NOD2: variants seen among roughly 807,000 people sequenced by gnomAD.
NOD2 encodes nucleotide-binding oligomerization domain-containing protein 2.
In NOD2, 86 loss-of-function variants were observed where a neutral mutation model predicts 90.9. The ratio of observed to expected loss-of-function variants is 0.95; its 90% CI spans 0.79 to 1.13. The LOEUF (loss-of-function observed/expected upper bound fraction) is 1.13. Among genes scored for constraint, NOD2 ranks in the 50% most tolerant of loss-of-function variants. NOD2 has a pLI of 0.00. For missense variants in NOD2, 1,238 were observed against 1,283.8 expected, an observed-to-expected ratio of 0.96 and a Z score of 0.55; for synonymous variants, 581 against 554.6, an observed-to-expected ratio of 1.05 and a Z score of -0.67.
rs1965465866 is a variant in NOD2 at position 50,731,798 on chromosome 16, G to C, written c.3021G>C (p.Arg1007Ser). The change falls in exon 12 of 12, where the codon AGG becomes AGC. Residue 1007 changes from arginine (R) to serine (S), a missense_variant. Physicochemically the swap from Arg to Ser is moderately radical, Grantham distance 110. Around this residue, in one of 3 missense-constraint regions of NOD2, gnomAD observed 667 missense variants for 688.7 expected, o/e 0.97. Coordinates refer to ENST00000647318, the MANE Select transcript of NOD2 (RefSeq NM_001370466.1). ...AGGAGGTTGACAAGCTCGGCTGCAG[G>C]GACACCAGACTCTTGCTTTGAAGTC... ...SLEEVDKLGC[R>S]DTRLLL 1 of 1,613,644 alleles carries C rather than the reference G, an allele frequency of 6.2e-7. No individual in the cohort carries two copies. Among genetic ancestry groups the C allele is most frequent in the Non-Finnish European group, 8.5e-7 (1 of 1,179,728 alleles).
chr16:50,731,672 A>G (rs927645445), intron 11 of NOD2, 75 bp from the exon 12 acceptor site: 1 of 1,025,898 alleles, frequency 9.7e-7, no homozygotes, highest in African/African-American at 1.6e-5. Context: ...GGGTTTAAAA[A>G]GTGGAGGCTT....
At chr16:50,716,483 A>G (rs1435724599) in intron 4 of NOD2, 104 bp from the exon 5 acceptor site, 1 of 1,126,424 alleles carries the variant, frequency 8.9e-7, no homozygotes, top group Non-Finnish European at 1.3e-6. Flanking sequence ...GGAAGCACAG[A>G]TGCTGGCACT....
chr16:50,716,848 A>G lies in NOD2; in HGVS notation c.2466-43A>G, dbSNP rs757064724. 4.8e-5 allele frequency: 76 copies of G among 1,591,008 alleles called. No individual in the cohort carries two copies. The South Asian group carries it at 7.5e-4, about 16-fold the overall frequency. On this transcript the variant is annotated intron_variant, in intron 5 of 11. Transcript: ENST00000647318. The stretch of plus-strand genomic sequence containing the variant: ...CCTGGGATTTGGTGCTCACTGTCCA[A>G]TGTGCTTTGCTTCTGTGTCTCCTCT...
At position 50,699,808 on chromosome 16, in the gene NOD2, C is replaced by T. The variant is rs757487598; in HGVS notation, c.313C>T (p.Arg105Ter). 13 of 1,613,592 alleles carry T rather than the reference C, an allele frequency of 8.1e-6. No individual in the cohort carries two copies. Among genetic ancestry groups the T allele is most frequent in the Middle Eastern group, 1.6e-4 (1 of 6,082 alleles). Residue 105 changes from arginine to a stop codon, truncating the protein, a stop_gained, in exon 2 of 12, where the codon CGA becomes TGA. Coordinates refer to ENST00000647318, the MANE Select transcript of NOD2 (RefSeq NM_001370466.1). LOFTEE classifies it high-confidence loss of function. ...GGACCCCCACTCGCTCCACCCAGCC[C>T]GAGACCTGCAGAGTCACCGGCCAGC... ...CWDPHSLHPARDLQSHRPAIV... is the reference protein window; with the variant it reads ...CWDPHSLHPA
chr16:50,706,996 C>T (rs1457128670), intron 2 of NOD2, among the ~76,000 whole-genome samples: 1 of 152,146 alleles, frequency 6.6e-6, no homozygotes, highest in Non-Finnish European at 1.5e-5. Flanking sequence ...CCATGCTCAG[C>T]CATATCTTGC....
Position 50,703,563 on chromosome 16 carries a change from C to G in NOD2, c.459+3609C>G, listed in dbSNP as rs144204109. On this transcript the variant is annotated intron_variant, in intron 2 of 11. Coordinates refer to ENST00000647318, the MANE Select transcript of NOD2 (RefSeq NM_001370466.1). Reference sequence around the variant, plus strand: ...CTGAGGCAGGAGAATCGCTTGAACCCGGGAGGCAGATGTTGCAGTGAGCCG... The same window carrying G: ...CTGAGGCAGGAGAATCGCTTGAACCGGGGAGGCAGATGTTGCAGTGAGCCG... Among the ~76,000 whole-genome samples, 4 of 151,656 alleles carry G rather than the reference C, an allele frequency of 2.6e-5. No individual in the cohort carries two copies. The South Asian group carries it at 8.3e-4, about 32-fold the overall frequency.
chr16:50,697,168 G>A, intron 1 of NOD2: 1 of 1,227,434 alleles, frequency 8.1e-7, no homozygotes, highest in Non-Finnish European at 1.2e-6. Flanking sequence ...CCAGTCCTGT[G>A]CCACTGGGCT....
intron 3 of NOD2, chr16:50,709,999 C>A (rs1489567974): frequency 8.8e-6 from 4 of 455,820 alleles, no homozygotes; most frequent in East Asian, 6.9e-5. Context: ...TATGGTGGAC[C>A]CAGGTTTTCA....
chr16:50,694,121 A>G (rs368346234), intron 1 of NOD2, among the ~76,000 whole-genome samples: 4 of 152,146 alleles, frequency 2.6e-5, no homozygotes, highest in East Asian at 1.9e-4. Context: ...TTGCTCTCCT[A>G]TGCTTCTCAG....
chr16:50,708,435 C>T (rs1860106890), intron 3 of NOD2, among the ~76,000 whole-genome samples: 1 of 152,196 alleles, frequency 6.6e-6, no homozygotes, highest in Non-Finnish European at 1.5e-5. Context: ...GCTTGGACCG[C>T]ACCACTTGAA....
At position 50,707,792 on chromosome 16, in the gene NOD2, A is replaced by G. The variant is rs138700796; in HGVS notation, c.460-63A>G. 5.8e-5 allele frequency: 66 copies of G among 1,144,660 alleles called. No homozygotes were observed. The African/African-American group carries it at 8.0e-4, about 14-fold the overall frequency. The allele number at this position is 1,144,660 out of a possible 1,614,324, so 70.9% of individuals were successfully genotyped here. On this transcript the variant is annotated intron_variant, in intron 2 of 11. Coordinates refer to ENST00000647318, the MANE Select transcript of NOD2 (RefSeq NM_001370466.1). ...TGCTTATGAAGTTGCAGTAATCAGT[A>G]AGCCTTCCCACATTGCTCCATCAGC...
chr16:50,697,419 C>A, intron 1 of NOD2: 1 of 1,115,590 alleles, frequency 9.0e-7, no homozygotes, highest in Non-Finnish European at 1.3e-6. Context: ...GGAGTGCTGA[C>A]TCTGTTTCTG....
chr16:50,716,508 A>G (rs1268955188), intron 4 of NOD2, 79 bp from the exon 5 acceptor site: 1 of 1,336,102 alleles, frequency 7.5e-7, no homozygotes, highest in Admixed American at 1.9e-5. Flanking sequence ...GGATGAATGA[A>G]AGTCTTTTTG....
chr16:50,719,991 C>T lies in NOD2; in HGVS notation c.2616C>T (p.Thr872=). 1 of 1,614,176 alleles carries T rather than the reference C, an allele frequency of 6.2e-7. No homozygotes were observed. Among genetic ancestry groups the T allele is most frequent in the Admixed American group, 1.7e-5 (1 of 60,030 alleles). Residue 872 remains threonine, a synonymous_variant, in exon 7 of 12, where the codon ACC becomes ACT. Transcript: ENST00000647318. ...TGGCCGAGGGGCTCCGAGGCAACACCTCCTTGCAGTTCCTGGGGTAGGTTG... is the reference window on the plus strand; with the variant it reads ...TGGCCGAGGGGCTCCGAGGCAACACTTCCTTGCAGTTCCTGGGGTAGGTTG... The part of the protein sequence containing the change: ...QVLAEGLRGN[T]SLQFLGFWGN...
At position 50,711,467 on chromosome 16, in the gene NOD2, A is replaced by C. The variant is rs368316739; in HGVS notation, c.1475A>C (p.Gln492Pro). ...TTTDMYLLIL[Q>P]HFLLHATPPD... The stretch of plus-strand genomic sequence containing the variant: ...ACAGATATGTACCTGCTGATTCTGC[A>C]GCATTTTCTGCTGCATGCCACCCCC... The change falls in exon 4 of 12, where the codon CAG becomes CCG. Residue 492 changes from glutamine (Q) to proline (P), a missense_variant. Around this residue, in one of 3 missense-constraint regions of NOD2, gnomAD observed 667 missense variants for 688.7 expected, o/e 0.97. Transcript: ENST00000647318. 6.8e-6 allele frequency: 11 copies of C among 1,613,420 alleles called. No individual in the cohort carries two copies. Among genetic ancestry groups the C allele is most frequent in the Admixed American group, 3.3e-5 (2 of 60,014 alleles).
At position 50,711,823 on chromosome 16, in the gene NOD2, T is replaced by C; in HGVS notation, c.1831T>C (p.Ser611Pro). Residue 611 changes from serine to proline, a missense_variant, in exon 4 of 12, where the codon TCA becomes CCA. Coordinates refer to ENST00000647318, the MANE Select transcript of NOD2 (RefSeq NM_001370466.1). Reference sequence around the variant, plus strand: ...CTTCAATTGTGGCAGGCCAGGCAACTCACCAATGGCCAGGCTCCTGCCCAC... The same window carrying C: ...CTTCAATTGTGGCAGGCCAGGCAACCCACCAATGGCCAGGCTCCTGCCCAC... ...HLFNCGRPGN[S>P]PMARLLPTMC... is the part of the protein sequence containing the mutation. The C allele has an allele frequency of 6.2e-7, 1 of 1,614,002 alleles. No homozygotes were observed. The highest frequency in any genetic ancestry group is 8.5e-7 in the Non-Finnish European group (1 of 1,179,906).
At position 50,710,999 on chromosome 16, in the gene NOD2, T is replaced by A. The variant is rs772548332; in HGVS notation, c.1007T>A (p.Ile336Asn). 20 of 1,614,080 alleles carry A rather than the reference T, an allele frequency of 1.2e-5. No homozygotes were observed. In the South Asian group the frequency reaches 2.2e-4, roughly 18 times the overall value. The change falls in exon 4 of 12, where the codon ATC (isoleucine) becomes AAC (asparagine). Residue 336 changes from isoleucine (I) to asparagine (N), a missense_variant. This residue lies in a region of NOD2 where 567 missense variants were observed against 577.3 expected (regional missense o/e 0.98). Transcript: ENST00000647318. ...CCWPDVGQED[I>N]FQLLLDHPDR... ...TGGCCTGATGTTGGTCAAGAAGACA[T>A]CTTCCAGTTACTCCTTGACCACCCT...
At position 50,712,636 on chromosome 16, in the gene NOD2, G is replaced by T. The variant is rs183358340; in HGVS notation, c.2381+263G>T. 5.3e-5 allele frequency: 29 copies of T among 542,256 alleles called. No homozygotes were observed. The Admixed American group carries it at 9.1e-4, about 17-fold the overall frequency. 33.6% of individuals were successfully genotyped at this position (542,256 alleles called of 1,614,324 possible). ...ATCTAATCTCTACAACCACCCTGGC[G>T]GGTAGGCAGGAATGTTATTATCTCC... On this transcript the variant is annotated intron_variant, in intron 4 of 11. Transcript: ENST00000647318.
At chr16:50,721,643 C>T (rs1596898009) in intron 7 of NOD2, among the ~76,000 whole-genome samples, 2 of 152,180 alleles carry the variant, frequency 1.3e-5, no homozygotes, top group African/African-American at 4.8e-5. Flanking sequence ...CAGGCACAAG[C>T]CACCATGCCT....
Sources: gnomAD v4.1 joint callset for allele counts (sites outside exome capture counted in the v4.1 genomes callset) on GRCh38, gnomAD v4.1.1 for gene constraint, gnomAD v4.1.1 regional missense constraint, MANE v1.5 for transcripts, NCBI Gene and HGNC (gene_info 2026-07-23, HGNC 2026-07-21) for gene names.